Variants in SCAPER observed in about 807,000 individuals in gnomAD.
SCAPER encodes the protein S-phase cyclin A associated protein in the ER.
A neutral mutation model predicts 182.2 loss-of-function variants in SCAPER; 98 were observed. The ratio of observed to expected loss-of-function variants is 0.54; its 90% confidence interval spans 0.46 to 0.64. The LOEUF (loss-of-function observed/expected upper bound fraction) is 0.64, where lower values mean the gene tolerates loss of function less well. SCAPER is among the 30% of genes least tolerant of loss of function. The pLI is 0.00. For synonymous variants in SCAPER, 605 were observed against 564.6 expected, an observed-to-expected ratio of 1.07 and a Z score of -1.01; for missense variants, 1,432 against 1,690.0, an observed-to-expected ratio of 0.85 and a Z score of 2.68.
In SCAPER at chr15:76,764,747, G is replaced by A. The variant is rs957296581; in HGVS notation, c.1725+214C>T. ...CAAAAGTAGAGCTTTAATAATCCAC[G>A]CAAACCCTGCAAAATATCAATTTAC... On this transcript the variant is annotated intron_variant, in intron 14 of 31. Transcript: ENST00000563290. Among the ~76,000 whole-genome samples, 6 of 152,032 alleles carry A rather than the reference G, an allele frequency of 3.9e-5. No individual in the cohort carries two copies. The East Asian group carries it at 5.8e-4, about 15-fold the overall frequency.
intron 23 of SCAPER, among the ~76,000 whole-genome samples, chr15:76,571,656 A>G (rs962624047): frequency 2.6e-5 from 4 of 152,212 alleles, no homozygotes; most frequent in African/African-American, 7.2e-5. Context: ...TAAAGACGTC[A>G]AGATTCATCT....
At chr15:76,478,668 G>A (rs1479728366) in intron 24 of SCAPER, among the ~76,000 whole-genome samples, 3 of 152,030 alleles carry the variant, frequency 2.0e-5, no homozygotes, top group Non-Finnish European at 2.9e-5. Context: ...CCATGAAGAG[G>A]TATTAAATAA....
chr15:76,650,488 T>A (rs1213750522), intron 21 of SCAPER, among the ~76,000 whole-genome samples: 1 of 152,006 alleles, frequency 6.6e-6, no homozygotes, highest in Non-Finnish European at 1.5e-5. Flanking sequence ...TAAATTTGTA[T>A]ATATATCTAA....
intron 24 of SCAPER, among the ~76,000 whole-genome samples, chr15:76,502,331 T>C (rs536311016): frequency 6.6e-6 from 1 of 152,110 alleles, no homozygotes; most frequent in Non-Finnish European, 1.5e-5. Context: ...CAAATGTCCA[T>C]CAATGATAGA....
At chr15:76,652,779 G>A (rs2055285604) in intron 21 of SCAPER, among the ~76,000 whole-genome samples, 1 of 151,768 alleles carries the variant, frequency 6.6e-6, no homozygotes, top group African/African-American at 2.4e-5. Flanking sequence ...CATACTGAAG[G>A]TGCAAAAGCT....
intron 22 of SCAPER, among the ~76,000 whole-genome samples, chr15:76,574,590 G>C (rs2047687125): frequency 6.6e-6 from 1 of 152,118 alleles, no homozygotes; most frequent in African/African-American, 2.4e-5. Flanking sequence ...ATTAGGAAGG[G>C]GGAGAAGGCC....
chr15:76,682,271 C>CCG (rs1555531442), intron 20 of SCAPER, among the ~76,000 whole-genome samples: 1 of 142,810 alleles, frequency 7.0e-6, no homozygotes, highest in South Asian at 2.6e-4. Flanking sequence ...CCTTCCCCCC[C>CCG]CCACCCCACA....
At chr15:76,616,266 A>G (rs1189119326) in intron 22 of SCAPER, among the ~76,000 whole-genome samples, 1 of 152,208 alleles carries the variant, frequency 6.6e-6, no homozygotes, top group African/African-American at 2.4e-5. Context: ...AGCAACACAT[A>G]TAGTGGAGTA....
At chr15:76,732,247 G>C (rs1448480493) in intron 16 of SCAPER, among the ~76,000 whole-genome samples, 1 of 152,036 alleles carries the variant, frequency 6.6e-6, no homozygotes, top group East Asian at 1.9e-4. Context: ...AAGAGACCGA[G>C]GGCATGAGCT....
intron 22 of SCAPER, among the ~76,000 whole-genome samples, chr15:76,612,479 G>A (rs922978890): frequency 6.6e-6 from 1 of 152,046 alleles, no homozygotes; most frequent in Non-Finnish European, 1.5e-5. Flanking sequence ...CAACCAATCC[G>A]CCTGTTGTGT....
At chr15:76,375,420 G>A (rs1021785844) in intron 29 of SCAPER, among the ~76,000 whole-genome samples, 2 of 152,010 alleles carry the variant, frequency 1.3e-5, no homozygotes, top group Non-Finnish European at 2.9e-5. Context: ...CACCTAGGCA[G>A]AAGCCAGGAG....
chr15:76,634,026 C>T (rs2053385748), intron 21 of SCAPER, among the ~76,000 whole-genome samples: 1 of 152,240 alleles, frequency 6.6e-6, no homozygotes. Flanking sequence ...CAAAAACTCC[C>T]GTGTCTCAGT....
intron 21 of SCAPER, among the ~76,000 whole-genome samples, chr15:76,629,108 C>T (rs2052850955): frequency 6.6e-6 from 1 of 152,226 alleles, no homozygotes; most frequent in Non-Finnish European, 1.5e-5. Context: ...AACTTTTGCA[C>T]ATTGATTTTG....
intron 23 of SCAPER, among the ~76,000 whole-genome samples, chr15:76,545,557 A>G (rs1243668167): frequency 6.6e-6 from 1 of 152,188 alleles, no homozygotes; most frequent in Non-Finnish European, 1.5e-5. Context: ...TCTAATGTCA[A>G]TAACGAGAAC....
At chr15:76,484,810 C>T (rs1314099534) in intron 24 of SCAPER, among the ~76,000 whole-genome samples, 5 of 152,034 alleles carry the variant, frequency 3.3e-5, no homozygotes, top group Non-Finnish European at 5.9e-5. Flanking sequence ...ACAAAAACTA[C>T]GATTACCTCA....
At chr15:76,839,114 G>A (rs2069211229) in intron 5 of SCAPER, among the ~76,000 whole-genome samples, 1 of 152,192 alleles carries the variant, frequency 6.6e-6, no homozygotes, top group East Asian at 1.9e-4. Flanking sequence ...AATGAGGAAT[G>A]TATCTTCTTT....
Position 76,459,933 on chromosome 15 carries a change from T to C in SCAPER, c.3078+11279A>G, listed in dbSNP as rs1043760225. Among the ~76,000 whole-genome samples the C allele has an allele frequency of 2.6e-5, 4 of 152,194 alleles. No individual in the cohort carries two copies. The East Asian group carries it at 7.7e-4, about 29-fold the overall frequency. On this transcript the variant is annotated intron_variant, in intron 25 of 31. Transcript: ENST00000563290. Reference sequence around the variant, plus strand: ...CACCACTTACTAAAGAGGGTGTCCATTCCCCAGTGTATGTTCTTGGCATCT... The same window carrying C: ...CACCACTTACTAAAGAGGGTGTCCACTCCCCAGTGTATGTTCTTGGCATCT...
chr15:76,527,177 A>G (rs2043273504), intron 23 of SCAPER, among the ~76,000 whole-genome samples: 1 of 152,182 alleles, frequency 6.6e-6, no homozygotes, highest in Admixed American at 6.5e-5. Flanking sequence ...CGCCCAACCC[A>G]GACAGTTTTA....
At chr15:76,387,050 G>A (rs1376127022) in intron 27 of SCAPER, among the ~76,000 whole-genome samples, 1 of 152,214 alleles carries the variant, frequency 6.6e-6, no homozygotes, top group Non-Finnish European at 1.5e-5. Flanking sequence ...ATATGAATCA[G>A]GATGGTAGCC....
Sources: gnomAD v4.1 joint callset for allele counts (sites outside exome capture counted in the v4.1 genomes callset) on GRCh38, gnomAD v4.1.1 for gene constraint, MANE v1.5 for transcripts, NCBI Gene and HGNC (gene_info 2026-07-23, HGNC 2026-07-21) for gene names.